The following ANKRD42 variants were observed in gnomAD, a reference collection of about 807,000 sequenced individuals.
The protein encoded by ANKRD42 is ankyrin repeat domain 42, also known as ankyrin repeat domain-containing protein 42.
A neutral mutation model predicts 51.5 loss-of-function variants in ANKRD42; 43 were observed. That is an observed-to-expected ratio of 0.83 (90% CI 0.65 to 1.08). ANKRD42 has a LOEUF of 1.08. Ranked by LOEUF, ANKRD42 falls within the 50% of genes least tolerant of loss-of-function variation. The pLI, the probability that ANKRD42 is intolerant of heterozygous loss-of-function variation, is 0.00. For missense variants in ANKRD42, 608 were observed against 629.3 expected (o/e 0.97, Z 0.36); for synonymous variants, 203 against 213.0 (o/e 0.95, Z 0.41).
At chr11:83,231,571 T>C (rs1863072639) in intron 7 of ANKRD42, among the ~76,000 whole-genome samples, 1 of 152,232 alleles carries the variant, frequency 6.6e-6, no homozygotes, top group African/African-American at 2.4e-5. Context: ...ATCCCATTTG[T>C]CCATGTTTGC....
chr11:83,220,713 C>T (rs1283619874), intron 5 of ANKRD42, among the ~76,000 whole-genome samples: 1 of 152,060 alleles, frequency 6.6e-6, no homozygotes, highest in Non-Finnish European at 1.5e-5. Flanking sequence ...TTTTTCCTTC[C>T]TAGCCTGTGT....
chr11:83,227,713 T>A (rs200403348), intron 6 of ANKRD42, 34 bp from the exon 7 acceptor site: 2 of 1,584,810 alleles, frequency 1.3e-6, no homozygotes, highest in Non-Finnish European at 1.7e-6. Context: ...TAAACTCTTA[T>A]GTTTATTGAA....
chr11:83,232,252 G>T (rs564795904), intron 7 of ANKRD42, among the ~76,000 whole-genome samples: 9 of 151,664 alleles, frequency 5.9e-5, no homozygotes, highest in African/African-American at 2.2e-4. Flanking sequence ...TCCATTTTTT[G>T]ATGTCCTCTT....
rs73512688 is a variant in ANKRD42 at position 83,212,451 on chromosome 11, T to G, written c.586+1021T>G. ...AGTTAATTTGGGTTAATTTGCTACTTCAGTTGTCTAACCTACAGTAAAGTG... is the reference window on the plus strand; with the variant it reads ...AGTTAATTTGGGTTAATTTGCTACTGCAGTTGTCTAACCTACAGTAAAGTG... On this transcript the variant is annotated intron_variant, in intron 5 of 10. Coordinates refer to ENST00000533342, the MANE Select transcript of ANKRD42 (RefSeq NM_001300975.2). Among the ~76,000 whole-genome samples the G allele has an allele frequency of 1.2e-3, 176 of 152,260 alleles. 1 individual carries two copies. Among genetic ancestry groups the G allele is most frequent in the African/African-American group, 4.0e-3 (167 of 41,556 alleles).
chr11:83,210,265 C>G (rs189777934), intron 3 of ANKRD42, 35 bp from the exon 4 acceptor site: 4 of 1,598,898 alleles, frequency 2.5e-6, no homozygotes, highest in East Asian at 4.5e-5. Context: ...AACATCTATA[C>G]TCATGTAAAG....
chr11:83,212,995 C>T (rs1255777300), intron 5 of ANKRD42: 1 of 1,599,334 alleles, frequency 6.3e-7, no homozygotes, highest in East Asian at 2.2e-5. Context: ...GCCATCTCCT[C>T]CTCAGCATCA....
chr11:83,205,447 G>A (rs17144805), intron 2 of ANKRD42, among the ~76,000 whole-genome samples: 3,204 of 152,272 alleles, frequency 0.021, 119 homozygotes, highest in African/African-American at 0.07. Context: ...AAAGGAAGAG[G>A]TGGTAGCATA....
Position 83,194,274 on chromosome 11 carries a change from G to A in ANKRD42, c.-397G>A. 1 of 474,324 alleles carries A rather than the reference G, an allele frequency of 2.1e-6. No homozygotes were observed. The highest frequency in any genetic ancestry group is 4.2e-6 in the Non-Finnish European group (1 of 239,174). The allele number at this position is 474,324 out of a possible 1,614,324, so 29.4% of individuals were successfully genotyped here. A position where few individuals can be genotyped will look rare whatever the true frequency, so the allele number is the denominator to read the frequency against. ...AGGGAGTCAGTGACATTCGGGACCC[G>A]CGAACTAGTGACTTCGGGGATAGAG... On this transcript the variant is annotated 5_prime_UTR_variant, in exon 1 of 11. Coordinates refer to ENST00000533342, the MANE Select transcript of ANKRD42 (RefSeq NM_001300975.2).
At chr11:83,251,087 G>A (rs1863666987), downstream of ANKRD42, among the ~76,000 whole-genome samples, 1 of 151,986 alleles carries the variant, frequency 6.6e-6, no homozygotes, top group African/African-American at 2.4e-5. Flanking sequence ...ATTTTTGTCT[G>A]TTCTCCTATA....
intron 7 of ANKRD42, among the ~76,000 whole-genome samples, chr11:83,228,521 G>T (rs1295889004): frequency 6.6e-6 from 1 of 152,074 alleles, no homozygotes; most frequent in Non-Finnish European, 1.5e-5. Flanking sequence ...GAGCCACCAT[G>T]CCTGGCCTGA....
intron 7 of ANKRD42, among the ~76,000 whole-genome samples, chr11:83,232,910 G>T (rs1338931667): frequency 2.6e-5 from 4 of 152,114 alleles, no homozygotes; most frequent in Non-Finnish European, 5.9e-5. Context: ...TGAATCATCG[G>T]TGTATCGCAG....
intron 9 of ANKRD42, 43 bp downstream of exon 9, chr11:83,240,977 C>T: frequency 1.3e-6 from 2 of 1,558,242 alleles, no homozygotes; most frequent in Non-Finnish European, 1.7e-6. Flanking sequence ...TTCAGAAATA[C>T]CACAGCCACT....
chr11:83,206,617 C>G (rs550855965), intron 3 of ANKRD42, among the ~76,000 whole-genome samples: 1 of 152,304 alleles, frequency 6.6e-6, no homozygotes, highest in African/African-American at 2.4e-5. Context: ...TAGCCTCTTC[C>G]ACCATATGAG....
At chr11:83,243,967 C>CTTTTT (rs66756456) in intron 9 of ANKRD42, among the ~76,000 whole-genome samples, 2,749 of 66,966 alleles carry the variant, frequency 0.041, 388 homozygotes, top group Middle Eastern at 0.11. Context: ...CCTGGCTGCC[C>CTTTTT]TTTTTTTTTT....
chr11:83,213,374 C>A, intron 5 of ANKRD42: 1 of 1,575,232 alleles, frequency 6.3e-7, no homozygotes, highest in Non-Finnish European at 8.6e-7. Flanking sequence ...CCAACCCCAA[C>A]GCCAGGCTGC....
At chr11:83,255,907 T>C in exon 12 of ANKRD42, 4 of 1,534,184 alleles carry the variant, frequency 2.6e-6, no homozygotes, top group Non-Finnish European at 3.5e-6. Flanking sequence ...AGGTTTCTTC[T>C]GGAGGGGTGT....
downstream of ANKRD42, among the ~76,000 whole-genome samples, chr11:83,264,065 T>A (rs1036996619): frequency 6.6e-6 from 1 of 152,204 alleles, no homozygotes; most frequent in African/African-American, 2.4e-5. Flanking sequence ...AGTTGTTATA[T>A]AGAAATACTA....
At chr11:83,254,405 C>T (rs1442950820) in intron 11 of ANKRD42, among the ~76,000 whole-genome samples, 1 of 151,784 alleles carries the variant, frequency 6.6e-6, no homozygotes, top group Non-Finnish European at 1.5e-5. Flanking sequence ...TAAACTCCTG[C>T]CCCACCTGAG....
chr11:83,243,762 C>T (rs535879223), intron 9 of ANKRD42, among the ~76,000 whole-genome samples: 2 of 150,762 alleles, frequency 1.3e-5, no homozygotes, highest in South Asian at 2.1e-4. Context: ...CCCGGGTTCA[C>T]GCCATTCTCC....
Sources: gnomAD v4.1 joint callset for allele counts (sites outside exome capture counted in the v4.1 genomes callset) on GRCh38, gnomAD v4.1.1 for gene constraint, MANE v1.5 for transcripts, NCBI Gene and HGNC (gene_info 2026-07-23, HGNC 2026-07-21) for gene names.